Variants in LIPN observed in about 807,000 individuals in gnomAD.
The protein encoded by LIPN is lipase member N.
In LIPN, 32 loss-of-function variants were observed where a neutral mutation model predicts 43.7. The ratio of observed to expected loss-of-function variants is 0.73; its 90% CI spans 0.55 to 0.98. LIPN has a LOEUF of 0.98. Ranked by LOEUF, LIPN falls within the 50% of genes least tolerant of loss-of-function variation. The pLI is 0.00. For synonymous variants in LIPN, 156 were observed against 157.6 expected, an observed-to-expected ratio of 0.99 and a Z score of 0.08; for missense variants, 505 against 483.8, an observed-to-expected ratio of 1.04 and a Z score of -0.41.
At chr10:88,761,841 A>G (rs548762410) in intron 2 of LIPN, among the ~76,000 whole-genome samples, 74 of 152,028 alleles carry the variant, frequency 4.9e-4, no homozygotes, top group African/African-American at 1.6e-3. Context: ...TTTTAAGAAT[A>G]TCAAGCTATT....
rs879457906 is a variant in LIPN at position 88,775,295 on chromosome 10, TA to T, written c.963+134del. 3.5e-3 allele frequency: 1,472 copies of T among 424,440 alleles called. 61 individuals carry two copies. The Admixed American group carries it at 0.055, about 16-fold the overall frequency. The allele number at this position is 424,440 out of a possible 1,614,324, so 26.3% of individuals were successfully genotyped here. A position where few individuals can be genotyped will look rare whatever the true frequency, so the allele number is the denominator to read the frequency against. ...ATAGAACTTTTTTTTAAAAAAATTT[TA>T]ATTTTAATTTTAATTTATTTCAGAA... On this transcript the variant is annotated intron_variant, in intron 9 of 9. Coordinates refer to ENST00000404459, the MANE Select transcript of LIPN (RefSeq NM_001102469.2).
At position 88,775,075 on chromosome 10, in the gene LIPN, A is replaced by G. The variant is rs763567355; in HGVS notation, c.892-17A>G. ...TCTTACCCTAACTATTCTTTTTCTA[A>G]AAAACATTTGTTTCAGCTTTACCAC... On this transcript the variant is annotated splice_polypyrimidine_tract_variant and intron_variant, in intron 8 of 9. Transcript: ENST00000404459. 5.9e-6 allele frequency: 9 copies of G among 1,513,700 alleles called. No individual in the cohort carries two copies. In the South Asian group the frequency reaches 9.9e-5, roughly 17 times the overall value. 93.8% of individuals were successfully genotyped at this position (1,513,700 alleles called of 1,614,324 possible).
chr10:88,760,979 G>T (rs1366508170), intron 1 of LIPN, among the ~76,000 whole-genome samples: 1 of 152,084 alleles, frequency 6.6e-6, no homozygotes, highest in Non-Finnish European at 1.5e-5. Context: ...AAGTTTTATT[G>T]ATCCATTTTT....
In LIPN at chr10:88,774,911, G is replaced by A. The variant is rs147858458; in HGVS notation, c.892-181G>A. Among the ~76,000 whole-genome samples the A allele has an allele frequency of 7.7e-3, 1,163 of 151,742 alleles. 8 individuals carry two copies. The highest frequency in any genetic ancestry group is 0.048 in the Middle Eastern group (14 of 290). The stretch of plus-strand genomic sequence containing the variant: ...CATGAACTTTTCCTTTAAACCAAGG[G>A]GGGTATTGCTCATCTTTCTGTTGAG... On this transcript the variant is annotated intron_variant, in intron 8 of 9. Coordinates refer to ENST00000404459, the MANE Select transcript of LIPN (RefSeq NM_001102469.2).
At chr10:88,765,171 AC>A (rs1843073290) in intron 4 of LIPN, among the ~76,000 whole-genome samples, 1 of 151,932 alleles carries the variant, frequency 6.6e-6, no homozygotes, top group Non-Finnish European at 1.5e-5. Flanking sequence ...GATTTTTAAA[AC>A]CTTTTTAATG....
At chr10:88,776,089 T>G (rs1843291760) in intron 9 of LIPN, among the ~76,000 whole-genome samples, 1 of 152,062 alleles carries the variant, frequency 6.6e-6, no homozygotes, top group African/African-American at 2.4e-5. Context: ...TTTTGACAAA[T>G]ATATTTATTT....
intron 2 of LIPN, 151 bp from the exon 3 acceptor site, chr10:88,762,037 G>A (rs1843009803): frequency 8.1e-6 from 4 of 491,312 alleles, no homozygotes; most frequent in Non-Finnish European, 1.4e-5. Flanking sequence ...TACTTATTTT[G>A]TATTAAGACT....
chr10:88,777,493 G>A (rs919683584), intron 9 of LIPN, among the ~76,000 whole-genome samples: 2 of 151,600 alleles, frequency 1.3e-5, no homozygotes, highest in Non-Finnish European at 2.9e-5. Context: ...TCCGAGAAAT[G>A]ACCCTTGTCT....
intron 6 of LIPN, 48 bp from the exon 7 acceptor site, chr10:88,770,797 T>G: frequency 8.5e-7 from 1 of 1,174,462 alleles, no homozygotes; most frequent in South Asian, 1.5e-5. Context: ...ATGGATAGTC[T>G]GCAAATATTT....
chr10:88,775,068 T>C, intron 8 of LIPN, 24 bp from the exon 9 acceptor site: 1 of 1,497,024 alleles, frequency 6.7e-7, no homozygotes, highest in Non-Finnish European at 9.1e-7. Flanking sequence ...TAACTATTCT[T>C]TTTCTAAAAA....
upstream of LIPN, among the ~76,000 whole-genome samples, chr10:88,758,989 A>T (rs1313896717): frequency 6.6e-6 from 1 of 152,182 alleles, no homozygotes; most frequent in Non-Finnish European, 1.5e-5. Flanking sequence ...GTTAAAAACC[A>T]TGAGAAATTC....
intron 9 of LIPN, among the ~76,000 whole-genome samples, chr10:88,776,802 G>A (rs1472625855): frequency 6.6e-6 from 1 of 151,904 alleles, no homozygotes; most frequent in African/African-American, 2.4e-5. Flanking sequence ...ACCTCAAAAT[G>A]TCTCTATCTT....
chr10:88,778,395 A>G lies in LIPN; in HGVS notation c.*153A>G, dbSNP rs1466122217. ...CAAGTCAATTGTGTTAGTGTTATTT[A>G]TGTTTAGAGACATCTTTGCATGGGA... On this transcript the variant is annotated 3_prime_UTR_variant, in exon 10 of 10. Coordinates refer to ENST00000404459, the MANE Select transcript of LIPN (RefSeq NM_001102469.2). Among the ~76,000 whole-genome samples the G allele has an allele frequency of 1.3e-5, 2 of 152,170 alleles. No individual in the cohort carries two copies. Among genetic ancestry groups the G allele is most frequent in the African/African-American group, 4.8e-5 (2 of 41,454 alleles).
Position 88,779,557 on chromosome 10 carries a change from T to C in LIPN, c.*1315T>C, listed in dbSNP as rs999194300. On this transcript the variant is annotated 3_prime_UTR_variant, in exon 10 of 10. Transcript: ENST00000404459. ...AAATATTAAAACAATTATATGACTT[T>C]ATAAAATATTTGTATATAATGAAAA... 1.3e-5 allele frequency among the ~76,000 whole-genome samples: 2 copies of C among 152,162 alleles called. No homozygotes were observed. The highest frequency in any genetic ancestry group is 2.4e-5 in the African/African-American group (1 of 41,446).
upstream of LIPN, among the ~76,000 whole-genome samples, chr10:88,757,380 G>T (rs1000664517): frequency 1.3e-5 from 2 of 152,132 alleles, no homozygotes; most frequent in South Asian, 4.1e-4. Context: ...CCGGAACATG[G>T]ACGTTATCAA....
chr10:88,774,201 C>A (rs1347683493), intron 7 of LIPN, among the ~76,000 whole-genome samples: 1 of 151,998 alleles, frequency 6.6e-6, no homozygotes, highest in African/African-American at 2.4e-5. Flanking sequence ...TCCATGATGA[C>A]CATTACTGTT....
intron 9 of LIPN, among the ~76,000 whole-genome samples, chr10:88,776,106 C>G (rs887640232): frequency 6.6e-6 from 1 of 151,834 alleles, no homozygotes; most frequent in East Asian, 1.9e-4. Context: ...ATTTGTGTAA[C>G]CACACCACAA....
intron 2 of LIPN, 35 bp from the exon 3 acceptor site, chr10:88,762,153 G>A: frequency 9.3e-7 from 1 of 1,074,492 alleles, no homozygotes; most frequent in Non-Finnish European, 1.4e-6. Flanking sequence ...ATCCTTTGGA[G>A]AAGTTCCACT....
At chr10:88,767,356 A>G (rs1383222313) in intron 5 of LIPN, among the ~76,000 whole-genome samples, 3 of 151,870 alleles carry the variant, frequency 2.0e-5, no homozygotes, top group Non-Finnish European at 2.9e-5. Flanking sequence ...ACCAATAGGC[A>G]AATAATTACA....
Sources: allele counts gnomAD v4.1 joint callset (sites outside exome capture counted in the v4.1 genomes callset), GRCh38; gene constraint gnomAD v4.1.1; transcripts MANE v1.5; gene names NCBI Gene and HGNC (gene_info 2026-07-23, HGNC 2026-07-21).